The following ADK variants were observed in gnomAD, a reference collection of about 807,000 sequenced individuals.
ADK encodes N6,N6-dimethyladenosine kinase.
A neutral mutation model predicts 44.7 loss-of-function variants in ADK; 24 were observed. That is an observed-to-expected ratio of 0.54 (90% CI 0.39 to 0.76). ADK has a LOEUF of 0.76. Among genes scored for constraint, ADK ranks in the 30% least tolerant of loss-of-function variants. The pLI, the probability that ADK is intolerant of heterozygous loss-of-function variation, is 0.00. For synonymous variants in ADK, 128 were observed against 142.6 expected, an observed-to-expected ratio of 0.90 and a Z score of 0.73; for missense variants, 321 against 425.1, an observed-to-expected ratio of 0.76 and a Z score of 2.15.
At chr10:74,322,844 CT>C (rs758446952) in intron 4 of ADK, among the ~76,000 whole-genome samples, 61 of 151,756 alleles carry the variant, frequency 4.0e-4, no homozygotes, top group Non-Finnish European at 7.7e-4. Flanking sequence ...CTTCCCTCCC[CT>C]CTTCTTCCTT....
Position 74,697,701 on chromosome 10 carries a change from G to T in ADK, c.965-10620G>T, listed in dbSNP as rs182690512. Among the ~76,000 whole-genome samples the T allele has an allele frequency of 4.6e-5, 7 of 152,168 alleles. No homozygotes were observed. The East Asian group carries it at 1.4e-3, about 29-fold the overall frequency. On this transcript the variant is annotated intron_variant, in intron 10 of 10. Coordinates refer to ENST00000539909, the MANE Select transcript of ADK (RefSeq NM_006721.4). ...TAGCTTATTAAGTGTCTCCATTAAG[G>T]CTTCCGTACCCACTGACAATATTTC...
chr10:74,156,198 A>AG (rs1315057411), intron 1 of ADK, among the ~76,000 whole-genome samples: 2 of 152,192 alleles, frequency 1.3e-5, no homozygotes, highest in East Asian at 3.9e-4. Context: ...TAGGAAAACA[A>AG]GGGGCATTGA....
chr10:74,234,563 A>G (rs1268330644), intron 3 of ADK, among the ~76,000 whole-genome samples: 5 of 152,182 alleles, frequency 3.3e-5, no homozygotes, highest in East Asian at 1.9e-4. Context: ...ATTATATTTT[A>G]TAAGTTTTAG....
intron 3 of ADK, among the ~76,000 whole-genome samples, chr10:74,279,303 A>G (rs1171702488): frequency 6.6e-6 from 1 of 150,642 alleles, no homozygotes; most frequent in Admixed American, 6.6e-5. Context: ...AAAAATAAAA[A>G]TTGAGGCCAG....
chr10:74,427,198 T>A (rs894008405), intron 6 of ADK, among the ~76,000 whole-genome samples: 2 of 152,084 alleles, frequency 1.3e-5, no homozygotes, highest in Non-Finnish European at 2.9e-5. Flanking sequence ...AGGTTTATTT[T>A]ATTTTATTTT....
chr10:74,318,277 T>A (rs1399175299), intron 4 of ADK, among the ~76,000 whole-genome samples: 1 of 152,120 alleles, frequency 6.6e-6, no homozygotes, highest in Non-Finnish European at 1.5e-5. Flanking sequence ...TCCTCCTTCC[T>A]CCATCTCCAC....
intron 3 of ADK, among the ~76,000 whole-genome samples, chr10:74,279,414 C>A (rs1317403378): frequency 6.6e-6 from 1 of 151,916 alleles, no homozygotes; most frequent in Non-Finnish European, 1.5e-5. Flanking sequence ...AGTGAAACCC[C>A]GTCTCTACTA....
chr10:74,257,119 TACTGAAC>T (rs1845852750), intron 3 of ADK, among the ~76,000 whole-genome samples: 1 of 152,224 alleles, frequency 6.6e-6, no homozygotes, highest in Admixed American at 6.5e-5. Context: ...TTTTATAGGT[TACTGAAC>T]TTTATATTTT....
chr10:74,349,321 A>T (rs948770092), intron 4 of ADK, among the ~76,000 whole-genome samples: 2 of 152,238 alleles, frequency 1.3e-5, no homozygotes, highest in African/African-American at 2.4e-5. Flanking sequence ...ACTAAGCTTC[A>T]TAAGCTAAGG....
At chr10:74,374,142 G>C (rs371977662) in intron 4 of ADK, among the ~76,000 whole-genome samples, 1 of 152,048 alleles carries the variant, frequency 6.6e-6, no homozygotes. Flanking sequence ...TGAGGTTTTC[G>C]GAAGTGATGA....
Position 74,200,445 on chromosome 10 carries a change from T to C in ADK, c.66-319T>C, listed in dbSNP as rs185546122. Among the ~76,000 whole-genome samples, 587 of 149,864 alleles carry C rather than the reference T, an allele frequency of 3.9e-3. 2 individuals are homozygous for C. Among genetic ancestry groups the C allele is most frequent in the African/African-American group, 0.014 (551 of 40,568 alleles). Reference sequence around the variant, plus strand: ...GTTGCAGTGAGCTGAGATTGCACCATTGCACTCCGGCCTGGGCGACAAGAG... The same window carrying C: ...GTTGCAGTGAGCTGAGATTGCACCACTGCACTCCGGCCTGGGCGACAAGAG... On this transcript the variant is annotated intron_variant, in intron 1 of 10. Coordinates refer to ENST00000539909, the MANE Select transcript of ADK (RefSeq NM_006721.4).
intron 3 of ADK, among the ~76,000 whole-genome samples, chr10:74,281,858 T>C (rs1308602973): frequency 6.6e-6 from 1 of 152,266 alleles, no homozygotes; most frequent in Admixed American, 6.5e-5. Flanking sequence ...ATAACTTTTA[T>C]GGACCTGACA....
At chr10:74,353,442 C>G (rs1017006558) in intron 4 of ADK, among the ~76,000 whole-genome samples, 1 of 151,568 alleles carries the variant, frequency 6.6e-6, no homozygotes, top group Non-Finnish European at 1.5e-5. Context: ...AGGATTAGGA[C>G]AAATACCTAT....
chr10:74,279,135 C>T (rs1011862712), intron 3 of ADK, among the ~76,000 whole-genome samples: 3 of 151,166 alleles, frequency 2.0e-5, no homozygotes, highest in African/African-American at 4.9e-5. Flanking sequence ...AAAAATTAGC[C>T]GGGCGTAGTG....
Position 74,208,480 on chromosome 10 carries a change from T to C in ADK, c.140+7642T>C, listed in dbSNP as rs368260144. 3.8e-4 allele frequency among the ~76,000 whole-genome samples: 58 copies of C among 152,360 alleles called. 2 individuals carry two copies. Among genetic ancestry groups the C allele is most frequent in the African/African-American group, 1.4e-3 (57 of 41,586 alleles). ...TAGCAGCTGGTCCTAAGTGGCTAGC[T>C]GAAGTTCTATTTTATATTTGGAAGG... On this transcript the variant is annotated intron_variant, in intron 2 of 10. Transcript: ENST00000539909.
At chr10:74,335,470 A>T (rs545421823) in intron 4 of ADK, among the ~76,000 whole-genome samples, 1 of 152,216 alleles carries the variant, frequency 6.6e-6, no homozygotes, top group South Asian at 2.1e-4. Context: ...GTAGTTTTCT[A>T]TCATCGTGAT....
chr10:74,470,390 A>T (rs567802326), intron 6 of ADK, among the ~76,000 whole-genome samples: 1 of 152,124 alleles, frequency 6.6e-6, no homozygotes, highest in Admixed American at 6.6e-5. Flanking sequence ...TGCTATTTTG[A>T]ATAATTCTGC....
intron 4 of ADK, among the ~76,000 whole-genome samples, chr10:74,318,917 T>TACTCC (rs1429696281): frequency 1.2e-4 from 18 of 152,232 alleles, no homozygotes; most frequent in Non-Finnish European, 2.2e-4. Flanking sequence ...ATATTTAGCT[T>TACTCC]AATGTCATTG....
At chr10:74,569,112 T>G (rs1329701910) in intron 7 of ADK, among the ~76,000 whole-genome samples, 2 of 152,214 alleles carry the variant, frequency 1.3e-5, no homozygotes, top group Non-Finnish European at 2.9e-5. Flanking sequence ...GAACTCATCA[T>G]TTTTTATGGC....
Sources: gnomAD v4.1 joint callset for allele counts (sites outside exome capture counted in the v4.1 genomes callset) on GRCh38, gnomAD v4.1.1 for gene constraint, MANE v1.5 for transcripts, NCBI Gene and HGNC (gene_info 2026-07-23, HGNC 2026-07-21) for gene names.